The following LAX1 variants were observed in gnomAD, a reference collection of about 807,000 sequenced individuals.
LAX1 encodes lymphocyte transmembrane adaptor 1, also known as lymphocyte transmembrane adapter 1.
Under a neutral mutation model 20.7 loss-of-function variants are expected in LAX1, and 17 were observed. That is an observed-to-expected ratio of 0.82 (90% CI 0.56 to 1.23). The LOEUF is 1.23. Among genes scored for constraint, LAX1 ranks in the 50% most tolerant of loss-of-function variants. The probability of loss-of-function intolerance (pLI) is 0.00; values close to 1 mark genes in which losing one functional copy is unlikely to be tolerated. For missense variants in LAX1, 470 were observed against 487.0 expected (o/e 0.97, Z 0.33); for synonymous variants, 165 against 181.0 (o/e 0.91, Z 0.71).
rs1667285658 is a variant in LAX1 at position 203,765,255 on chromosome 1, T to C, written c.-311T>C. On this transcript the variant is annotated 5_prime_UTR_variant, in exon 1 of 5. Transcript: ENST00000442561. ...CTTGAGCCTCTTGGCAGTTTCCCCC[T>C]CTGTGCCCCTCACGTTTCCACCAGA... 8.2e-7 allele frequency: 1 copy of C among 1,224,072 alleles called. No homozygotes were observed. The highest frequency in any genetic ancestry group is 1.3e-5 in the South Asian group (1 of 77,360). The allele number at this position is 1,224,072 out of a possible 1,614,324, so 75.8% of individuals were successfully genotyped here.
chr1:203,766,502 G>A (rs780539677), intron 1 of LAX1, among the ~76,000 whole-genome samples: 9 of 152,118 alleles, frequency 5.9e-5, no homozygotes, highest in Admixed American at 2.6e-4. Context: ...AATTGCAGTC[G>A]TTTGGGGAAA....
rs200224296 is a variant in LAX1 at position 203,770,142 on chromosome 1, G to A, written c.90-686G>A. ...AGATTAAATAAGTTTCACAGGCCGG[G>A]CACGGTGGCTCACACCTGTAATTCC... On this transcript the variant is annotated intron_variant, in intron 1 of 4. Transcript: ENST00000442561. Among the ~76,000 whole-genome samples, 10 of 152,134 alleles carry A rather than the reference G, an allele frequency of 6.6e-5. No individual in the cohort carries two copies. In the East Asian group the frequency reaches 1.9e-3, roughly 30 times the overall value.
chr1:203,769,457 A>G (rs1571803965), intron 1 of LAX1, among the ~76,000 whole-genome samples: 2 of 98,020 alleles, frequency 2.0e-5, no homozygotes, highest in African/African-American at 6.4e-5. Flanking sequence ...AAGAAAGAAA[A>G]GAAAAGAAAG....
intron 4 of LAX1, 78 bp downstream of exon 4, chr1:203,772,225 T>C: frequency 8.9e-7 from 1 of 1,124,644 alleles, no homozygotes; most frequent in Non-Finnish European, 1.3e-6. Flanking sequence ...GGCTTAGATC[T>C]GGTTTCACTG....
intron 1 of LAX1, among the ~76,000 whole-genome samples, chr1:203,767,551 G>T (rs1418129870): frequency 6.6e-6 from 1 of 151,422 alleles, no homozygotes; most frequent in South Asian, 2.1e-4. Context: ...CAGGTGATCC[G>T]CCCACCTCCG....
chr1:203,765,579 C>T lies in LAX1; in HGVS notation c.14C>T (p.Thr5Ile), dbSNP rs781422187. The change falls in exon 1 of 5, where the codon ACT (threonine) becomes ATT (isoleucine). Residue 5 changes from threonine to isoleucine, a missense_variant. Physicochemically the swap from Thr to Ile is moderately conservative, Grantham distance 89 (BLOSUM62 -1). Coordinates refer to ENST00000442561, the MANE Select transcript of LAX1 (RefSeq NM_017773.4). Reference protein sequence around the residue: MDGVTPTLSTIRGRT... With the variant: MDGVIPTLSTIRGRT... ...GTTCCTGATACAATGGATGGTGTCA[C>T]TCCAACCCTTTCGACAATCAGAGGG... 6.2e-7 allele frequency: 1 copy of T among 1,614,180 alleles called. No individual in the cohort carries two copies. Among genetic ancestry groups the T allele is most frequent in the Non-Finnish European group, 8.5e-7 (1 of 1,180,016 alleles).
At chr1:203,768,500 A>T (rs780523658) in intron 1 of LAX1, among the ~76,000 whole-genome samples, 10 of 152,088 alleles carry the variant, frequency 6.6e-5, no homozygotes, top group Non-Finnish European at 1.3e-4. Context: ...TTCCTGGGAG[A>T]GGGAGTGGCA....
intron 4 of LAX1, among the ~76,000 whole-genome samples, chr1:203,772,778 C>T (rs112543349): frequency 1.6e-4 from 24 of 149,316 alleles, no homozygotes; most frequent in African/African-American, 5.2e-4. Context: ...TGGGCTCAAG[C>T]AATCCTCCCA....
At chr1:203,770,751 T>C (rs1054343908) in intron 1 of LAX1, 77 bp from the exon 2 acceptor site, 1 of 1,210,656 alleles carries the variant, frequency 8.3e-7, no homozygotes, top group Non-Finnish European at 1.2e-6. Flanking sequence ...CTTCAGGCTC[T>C]AACTCCAAAA....
At chr1:203,773,391 T>C (rs960944251) in intron 4 of LAX1, among the ~76,000 whole-genome samples, 5 of 151,988 alleles carry the variant, frequency 3.3e-5, no homozygotes, top group Non-Finnish European at 7.4e-5. Context: ...GAGGCAGAGA[T>C]TGCAGTGAGC....
rs1226992047 is a variant in LAX1, at chr1:203,774,653, C to T, written c.1169C>T (p.Pro390Leu). 1 of 1,614,072 alleles carries T rather than the reference C, an allele frequency of 6.2e-7. No individual in the cohort carries two copies. ...GGAGGCAGGGACTCTGAGCAGGGGCCTGGCACTCAGCTCCTTCCTGATGAA... is the reference window on the plus strand; with the variant it reads ...GGAGGCAGGGACTCTGAGCAGGGGCTTGGCACTCAGCTCCTTCCTGATGAA... ...KLGGRDSEQG[P>L]GTQLLPDE The change falls in exon 5 of 5, where the codon CCT becomes CTT. Residue 390 changes from proline (P) to leucine (L), a missense_variant. Coordinates refer to ENST00000442561, the MANE Select transcript of LAX1 (RefSeq NM_017773.4).
chr1:203,776,350 C>CAAAAAAAAAAAAAAAAAAAAAAAAAA, exon 5 of LAX1: 1 of 95,278 alleles, frequency 1.0e-5, no homozygotes. Flanking sequence ...GACTCTGTCT[C>CAAAAAAAAAAAAAAAAAAAAAAAAAA]AAAAAAAAAA....
rs147936510 is a variant in LAX1 at position 203,774,448 on chromosome 1, G to A, written c.964G>A (p.Glu322Lys). 6.3e-5 allele frequency: 102 copies of A among 1,614,174 alleles called. 2 individuals carry two copies. The Admixed American group carries it at 7.5e-4, about 12-fold the overall frequency. ...DVPSSNIGHV[E>K]DKTDDPGTHV... Reference sequence around the variant, plus strand: ...GCCATCCTCAAACATAGGTCATGTCGAGGACAAGACAGATGATCCCGGGAC... The same window carrying A: ...GCCATCCTCAAACATAGGTCATGTCAAGGACAAGACAGATGATCCCGGGAC... The change falls in exon 5 of 5, where the codon GAG becomes AAG. Residue 322 changes from glutamate to lysine, a missense_variant. Glu to Lys is a moderately conservative substitution (Grantham distance 56, BLOSUM62 1). Coordinates refer to ENST00000442561, the MANE Select transcript of LAX1 (RefSeq NM_017773.4).
In LAX1 at chr1:203,775,781, T is replaced by A. The variant is rs1276883723; in HGVS notation, c.*1100T>A. On this transcript the variant is annotated 3_prime_UTR_variant, in exon 5 of 5. Transcript: ENST00000442561. ...TGGTTCACACAATAATATAGACATA[T>A]CTTAAATCCATTTTGCTAAGTGAAA... is the stretch of plus-strand genomic sequence containing the variant. 2 of 152,166 alleles carry A rather than the reference T, an allele frequency of 1.3e-5. No individual in the cohort carries two copies. The highest frequency in any genetic ancestry group is 4.8e-5 in the African/African-American group (2 of 41,438). The allele number at this position is 152,166 out of a possible 1,614,324, so 9.4% of individuals were successfully genotyped here.
chr1:203,774,943 A>C lies in LAX1; in HGVS notation c.*262A>C. The C allele has an allele frequency of 2.0e-6, 1 of 494,116 alleles. No homozygotes were observed. Among genetic ancestry groups the C allele is most frequent in the East Asian group, 3.3e-5 (1 of 30,228 alleles). 30.6% of individuals were successfully genotyped at this position (494,116 alleles called of 1,614,324 possible). A position where few individuals can be genotyped will look rare whatever the true frequency, so the allele number is the denominator to read the frequency against. ...ATGTTTGCTGAAACTGCTTCCTAGA[A>C]CTGTGAAGAAAGCAGGAAAGTAGTG... On this transcript the variant is annotated 3_prime_UTR_variant, in exon 5 of 5. Transcript: ENST00000442561.
chr1:203,768,805 A>C (rs1327093307), intron 1 of LAX1, among the ~76,000 whole-genome samples: 1 of 152,194 alleles, frequency 6.6e-6, no homozygotes, highest in African/African-American at 2.4e-5. Context: ...CAGGAAAGTT[A>C]TTGCAAAGGT....
At chr1:203,769,340 C>G (rs1017831710) in intron 1 of LAX1, among the ~76,000 whole-genome samples, 5 of 147,720 alleles carry the variant, frequency 3.4e-5, no homozygotes, top group African/African-American at 1.3e-4. Context: ...TGCAGTGAGC[C>G]AAGATCATGC....
Position 203,765,559 on chromosome 1 carries a change from T to G in LAX1, c.-7T>G. Reference sequence around the variant, plus strand: ...AGCCAGAGAGCATCTCAAAGGTTCCTGATACAATGGATGGTGTCACTCCAA... The same window carrying G: ...AGCCAGAGAGCATCTCAAAGGTTCCGGATACAATGGATGGTGTCACTCCAA... On this transcript the variant is annotated 5_prime_UTR_variant, in exon 1 of 5. An upstream open reading frame in the 5' UTR loses its in-frame stop. Coordinates refer to ENST00000442561, the MANE Select transcript of LAX1 (RefSeq NM_017773.4). 1 of 1,614,150 alleles carries G rather than the reference T, an allele frequency of 6.2e-7. No homozygotes were observed. Among genetic ancestry groups the G allele is most frequent in the South Asian group, 1.1e-5 (1 of 91,060 alleles).
At chr1:203,773,435 C>T (rs545896226) in intron 4 of LAX1, among the ~76,000 whole-genome samples, 52 of 152,044 alleles carry the variant, frequency 3.4e-4, no homozygotes, top group African/African-American at 1.1e-3. Context: ...GCTTGGGCGA[C>T]GAGAGCGAAA....
Sources: gnomAD v4.1 joint callset for allele counts (sites outside exome capture counted in the v4.1 genomes callset) on GRCh38, gnomAD v4.1.1 for gene constraint, MANE v1.5 for transcripts, NCBI Gene and HGNC (gene_info 2026-07-23, HGNC 2026-07-21) for gene names.